Variants in DYDC2 observed in about 807,000 individuals in gnomAD.
The protein encoded by DYDC2 is DPY30 domain containing 2, also known as DPY30 domain-containing protein 2.
Under a neutral mutation model 18.7 loss-of-function variants are expected in DYDC2, and 19 were observed. The observed-to-expected ratio is 1.02, with a 90% CI of 0.71 to 1.49. DYDC2 has a LOEUF of 1.49. Ranked by LOEUF, DYDC2 falls within the 40% of genes most tolerant of loss-of-function variation. The pLI is 0.00. For synonymous variants in DYDC2, 63 were observed against 67.6 expected (o/e 0.93, Z 0.34); for missense variants, 179 against 205.1 (o/e 0.87, Z 0.78).
chr10:80,362,851 C>T, intron 3 of DYDC2, 100 bp from the exon 4 acceptor site: 1 of 1,463,428 alleles, frequency 6.8e-7, no homozygotes, highest in Non-Finnish European at 9.2e-7. Context: ...ACTCAACAGG[C>T]CCAAAGAGCC....
At chr10:80,358,945 A>G (rs529447651) in intron 2 of DYDC2, among the ~76,000 whole-genome samples, 1 of 152,196 alleles carries the variant, frequency 6.6e-6, no homozygotes, top group African/African-American at 2.4e-5. Flanking sequence ...AGACCTTTGC[A>G]GTGAGTGTTA....
chr10:80,365,675 A>G (rs1285464456), intron 4 of DYDC2, among the ~76,000 whole-genome samples: 1 of 152,158 alleles, frequency 6.6e-6, no homozygotes, highest in Non-Finnish European at 1.5e-5. Context: ...AGGGACATGG[A>G]TGTTAGACTG....
In DYDC2 at chr10:80,367,580, G is replaced by C. The variant is rs1843875152; in HGVS notation, c.*629G>C. On this transcript the variant is annotated 3_prime_UTR_variant, in exon 5 of 5. Transcript: ENST00000256039. ...AAAGGCCACAAGGGGTTTTATCCTG[G>C]ACCCCGGACATGTTCCAAGCCCTGC... 6.6e-6 allele frequency: 1 copy of C among 152,128 alleles called. No individual in the cohort carries two copies. Among genetic ancestry groups the C allele is most frequent in the African/African-American group, 2.4e-5 (1 of 41,406 alleles). 9.4% of individuals were successfully genotyped at this position (152,128 alleles called of 1,614,324 possible). A position where few individuals can be genotyped will look rare whatever the true frequency, so the allele number is the denominator to read the frequency against.
At chr10:80,358,794 G>A (rs775327183) in intron 2 of DYDC2, among the ~76,000 whole-genome samples, 34 of 152,188 alleles carry the variant, frequency 2.2e-4, no homozygotes, top group Non-Finnish European at 4.3e-4. Context: ...CTGAGTTCTA[G>A]AATGAAGCCG....
upstream of DYDC2, among the ~76,000 whole-genome samples, chr10:80,355,094 C>T (rs1434893183): frequency 1.4e-5 from 2 of 141,284 alleles, no homozygotes; most frequent in Non-Finnish European, 3.1e-5. Context: ...CTTACATTTA[C>T]TGAAAAAAAA....
upstream of DYDC2, chr10:80,352,559 T>C: frequency 6.2e-7 from 1 of 1,613,560 alleles, no homozygotes; most frequent in Non-Finnish European, 8.5e-7. Flanking sequence ...AGACCTTGAG[T>C]TAAACAGGCC....
At chr10:80,356,118 A>C (rs531779867), upstream of DYDC2, 1 of 423,484 alleles carries the variant, frequency 2.4e-6, no homozygotes, top group Non-Finnish European at 3.2e-6. Context: ...AGGTCAGGGG[A>C]GGCTCTGTCT....
intron 1 of DYDC2, among the ~76,000 whole-genome samples, chr10:80,357,575 C>A (rs979622939): frequency 6.6e-6 from 1 of 152,124 alleles, no homozygotes; most frequent in Non-Finnish European, 1.5e-5. Flanking sequence ...GGCAGTTTCA[C>A]AACTCTGCAC....
chr10:80,366,598 C>T (rs1843844236), intron 4 of DYDC2, 90 bp from the exon 5 acceptor site: 1 of 1,448,312 alleles, frequency 6.9e-7, no homozygotes, highest in Admixed American at 2.3e-5. Context: ...TAGTCTCTGG[C>T]ATGAAAATAG....
chr10:80,360,735 G>C (rs77915713), intron 2 of DYDC2, among the ~76,000 whole-genome samples: 2,574 of 150,816 alleles, frequency 0.017, 78 homozygotes, highest in African/African-American at 0.06. Flanking sequence ...GCCCTTTATA[G>C]AATTCTTTCT....
intron 1 of DYDC2, among the ~76,000 whole-genome samples, chr10:80,350,385 T>C (rs1015433033): frequency 6.6e-6 from 1 of 152,188 alleles, no homozygotes; most frequent in African/African-American, 2.4e-5. Context: ...TTATTTTTGA[T>C]AGACAGGAAC....
At chr10:80,361,735 T>C (rs1213064657) in intron 2 of DYDC2, among the ~76,000 whole-genome samples, 1 of 152,166 alleles carries the variant, frequency 6.6e-6, no homozygotes, top group East Asian at 1.9e-4. Context: ...ATTTTAATGG[T>C]CAAACTGCCC....
upstream of DYDC2, chr10:80,352,434 T>C (rs1227266126): frequency 1.3e-6 from 2 of 1,557,288 alleles, no homozygotes; most frequent in Non-Finnish European, 1.7e-6. Context: ...TCTAATTTCC[T>C]AGAAGGAGAT....
chr10:80,356,789 G>A lies in DYDC2; in HGVS notation c.-199G>A. The A allele has an allele frequency of 1.0e-6, 1 of 985,732 alleles. No homozygotes were observed. The highest frequency in any genetic ancestry group is 1.2e-6 in the Non-Finnish European group (1 of 830,166). The allele number at this position is 985,732 out of a possible 1,614,324, so 61.1% of individuals were successfully genotyped here. On this transcript the variant is annotated 5_prime_UTR_variant, in exon 1 of 5. It adds an upstream start codon to the 5' untranslated region. Coordinates refer to ENST00000256039, the MANE Select transcript of DYDC2 (RefSeq NM_032372.6). ...ACGAGAGCTCGCGCCTCAGGAGCCA[G>A]TGTAGGCGCCGCAAAGCGGAAGGGG...
At chr10:80,347,242 A>G (rs923194319) in intron 1 of DYDC2, among the ~76,000 whole-genome samples, 6 of 99,496 alleles carry the variant, frequency 6.0e-5, no homozygotes, top group African/African-American at 1.8e-4. Flanking sequence ...AGAAATGTCT[A>G]TTTAGGTCCT....
intron 1 of DYDC2, among the ~76,000 whole-genome samples, chr10:80,357,344 G>A (rs979551646): frequency 2.0e-5 from 3 of 151,922 alleles, no homozygotes; most frequent in African/African-American, 7.3e-5. Context: ...GTATGTGGAG[G>A]CGCGCGGGGT....
At chr10:80,347,685 C>T (rs1284861380) in intron 1 of DYDC2, among the ~76,000 whole-genome samples, 1 of 152,120 alleles carries the variant, frequency 6.6e-6, no homozygotes, top group Non-Finnish European at 1.5e-5. Context: ...ATCCAGTTGT[C>T]CCAACACCGT....
At chr10:80,366,659 A>C (rs765147908) in intron 4 of DYDC2, 29 bp from the exon 5 acceptor site, 5 of 1,570,930 alleles carry the variant, frequency 3.2e-6, no homozygotes, top group Non-Finnish European at 4.3e-6. Flanking sequence ...TCTAATAATA[A>C]GTTTTCGGCT....
In DYDC2 at chr10:80,367,063, C is replaced by A; in HGVS notation, c.*112C>A. 2 of 1,273,284 alleles carry A rather than the reference C, an allele frequency of 1.6e-6. No homozygotes were observed. Among genetic ancestry groups the A allele is most frequent in the South Asian group, 1.5e-5 (1 of 67,418 alleles). 78.9% of individuals were successfully genotyped at this position (1,273,284 alleles called of 1,614,324 possible). A position where few individuals can be genotyped will look rare whatever the true frequency, so the allele number is the denominator to read the frequency against. ...GTAAAAGGCAAGTTCAGGGACTCTC[C>A]AGCCTACTCCTTTTCTGAAAAACCC... is the stretch of plus-strand genomic sequence containing the variant. On this transcript the variant is annotated 3_prime_UTR_variant, in exon 5 of 5. Transcript: ENST00000256039.
Sources: gnomAD v4.1 joint callset for allele counts (sites outside exome capture counted in the v4.1 genomes callset) on GRCh38, gnomAD v4.1.1 for gene constraint, MANE v1.5 for transcripts, NCBI Gene and HGNC (gene_info 2026-07-23, HGNC 2026-07-21) for gene names.